The following TRAF2 variants were observed in gnomAD, a reference collection of about 807,000 sequenced individuals.
TRAF2 encodes TNF receptor-associated factor 2.
A neutral mutation model predicts 55.6 loss-of-function variants in TRAF2; 6 were observed. That is an observed-to-expected ratio of 0.11 (90% CI 0.06 to 0.21). The LOEUF is 0.21. Ranked by LOEUF, TRAF2 falls within the 10% of genes least tolerant of loss-of-function variation. The pLI is 1.00. For synonymous variants in TRAF2, 329 were observed against 276.3 expected (o/e 1.19, Z -1.89); for missense variants, 561 against 684.5 (o/e 0.82, Z 2.01).
intron 1 of TRAF2, among the ~76,000 whole-genome samples, chr9:136,896,095 C>T (rs1250741272): frequency 6.6e-6 from 1 of 152,104 alleles, no homozygotes; most frequent in Non-Finnish European, 1.5e-5. Flanking sequence ...GAGTGAGCCC[C>T]CCCACCCCCA....
At chr9:136,914,543 G>A (rs551346865) in intron 6 of TRAF2, among the ~76,000 whole-genome samples, 2 of 152,352 alleles carry the variant, frequency 1.3e-5, no homozygotes, top group Non-Finnish European at 2.9e-5. Flanking sequence ...TGACAGCAGA[G>A]GGATCCTTGC....
chr9:136,916,143 C>T (rs4880162), intron 6 of TRAF2, among the ~76,000 whole-genome samples: 117,185 of 152,086 alleles, frequency 0.77, 45,452 homozygotes, highest in East Asian at 0.87. Context: ...TGCTTCATGT[C>T]GTGTCTGTGT....
Position 136,923,902 on chromosome 9 carries a change from AACGGCG to A in TRAF2, c.1195_1200del (p.Asp399_Gly400del), listed in dbSNP as rs1170010016. Reference sequence around the variant, plus strand: ...CAAGATGTGTCTGCGTATCTACCTGAACGGCGACGGCACCGGGCGAGGAACACACCT... The same window carrying A: ...CAAGATGTGTCTGCGTATCTACCTGAACGGCACCGGGCGAGGAACACACCT... On this transcript the variant is annotated inframe_deletion, in exon 10 of 11. Transcript: ENST00000247668. The A allele has an allele frequency of 6.2e-7, 1 of 1,613,612 alleles. No individual in the cohort carries two copies. The highest frequency in any genetic ancestry group is 1.3e-5 in the African/African-American group (1 of 74,812).
chr9:136,909,615 G>C (rs558067947), intron 5 of TRAF2, among the ~76,000 whole-genome samples: 1 of 152,184 alleles, frequency 6.6e-6, no homozygotes, highest in African/African-American at 2.4e-5. Context: ...GCCTCCCAGC[G>C]GGAGCAGCGT....
chr9:136,905,973 C>G (rs1171184742), intron 4 of TRAF2, among the ~76,000 whole-genome samples: 1 of 152,062 alleles, frequency 6.6e-6, no homozygotes, highest in Non-Finnish European at 1.5e-5. Flanking sequence ...GGTGTGGTGG[C>G]GGGCGCCCGT....
At chr9:136,910,198 G>A (rs1365713089) in intron 6 of TRAF2, 15 of 613,356 alleles carry the variant, frequency 2.4e-5, no homozygotes, top group East Asian at 5.5e-5. Context: ...GCTGAGTCCC[G>A]AGCCCTCTTC....
chr9:136,908,342 C>G (rs1588432980), intron 5 of TRAF2, 111 bp downstream of exon 5: 16 of 1,235,276 alleles, frequency 1.3e-5, no homozygotes, highest in African/African-American at 4.6e-5. Flanking sequence ...CGTTCCACCC[C>G]CTCGGCCCTT....
intron 4 of TRAF2, among the ~76,000 whole-genome samples, chr9:136,902,585 A>G (rs1309599371): frequency 2.0e-5 from 3 of 152,174 alleles, no homozygotes; most frequent in African/African-American, 7.2e-5. Flanking sequence ...CCCTGGCTGC[A>G]CCTTTGAGAG....
At chr9:136,904,294 C>T (rs1210493530) in intron 4 of TRAF2, among the ~76,000 whole-genome samples, 5 of 152,232 alleles carry the variant, frequency 3.3e-5, no homozygotes, top group Non-Finnish European at 1.5e-5. Flanking sequence ...GCCTCAAACT[C>T]CTGGGCTCAA....
intron 2 of TRAF2, among the ~76,000 whole-genome samples, 158 bp downstream of exon 2, chr9:136,899,086 G>GT (rs1290766547): frequency 6.6e-6 from 1 of 152,234 alleles, no homozygotes; most frequent in Non-Finnish European, 1.5e-5. Flanking sequence ...CACAAAGAAT[G>GT]TAAAATTAAT....
intron 4 of TRAF2, among the ~76,000 whole-genome samples, chr9:136,907,006 C>T (rs554312835): frequency 6.6e-5 from 10 of 152,276 alleles, no homozygotes; most frequent in Non-Finnish European, 1.5e-4. Context: ...CCCTCACATT[C>T]GGGCAGAGCC....
chr9:136,884,945 T>A (rs1050970090), upstream of TRAF2, among the ~76,000 whole-genome samples: 2 of 152,226 alleles, frequency 1.3e-5, no homozygotes, highest in African/African-American at 4.8e-5. Context: ...CTTCTTACGT[T>A]TGAGAGCTCA....
intron 7 of TRAF2, among the ~76,000 whole-genome samples, chr9:136,917,214 G>A (rs765490213): frequency 9.2e-5 from 14 of 152,220 alleles, no homozygotes; most frequent in Non-Finnish European, 1.8e-4. Context: ...GTTCACAGAT[G>A]GAAATCGATC....
At chr9:136,906,995 C>T (rs2131304875) in intron 4 of TRAF2, among the ~76,000 whole-genome samples, 1 of 152,372 alleles carries the variant, frequency 6.6e-6, no homozygotes, top group Non-Finnish European at 1.5e-5. Context: ...GCTGTCCTGA[C>T]CCCTCACATT....
chr9:136,883,974 A>G (rs1849403604), upstream of TRAF2, among the ~76,000 whole-genome samples: 1 of 147,382 alleles, frequency 6.8e-6, no homozygotes, highest in Non-Finnish European at 1.5e-5. Flanking sequence ...ACAGGCGCGT[A>G]CCACCATGCC....
At chr9:136,923,073 C>T (rs913950268) in intron 9 of TRAF2, among the ~76,000 whole-genome samples, 2 of 152,140 alleles carry the variant, frequency 1.3e-5, no homozygotes, top group Non-Finnish European at 2.9e-5. Flanking sequence ...CAGCCTCTGC[C>T]GGGTTCTGGC....
chr9:136,905,115 C>T (rs1231036746), intron 4 of TRAF2, among the ~76,000 whole-genome samples: 1 of 152,248 alleles, frequency 6.6e-6, no homozygotes, highest in Non-Finnish European at 1.5e-5. Context: ...GTAGCATTAA[C>T]CTTTCCTGAG....
intron 8 of TRAF2, 29 bp from the exon 9 acceptor site, chr9:136,921,009 A>G (rs1010780904): frequency 9.3e-6 from 15 of 1,611,292 alleles, no homozygotes; most frequent in African/African-American, 2.7e-5. Flanking sequence ...CCCTCCTGTA[A>G]GAGGGAAGGT....
upstream of TRAF2, among the ~76,000 whole-genome samples, chr9:136,885,315 G>A (rs1238135557): frequency 6.6e-6 from 1 of 152,270 alleles, no homozygotes; most frequent in Non-Finnish European, 1.5e-5. Context: ...TTCCTTCTCT[G>A]CAAAGCGGGG....
Sources: gnomAD v4.1 joint callset for allele counts (sites outside exome capture counted in the v4.1 genomes callset) on GRCh38, gnomAD v4.1.1 for gene constraint, MANE v1.5 for transcripts, NCBI Gene and HGNC (gene_info 2026-07-23, HGNC 2026-07-21) for gene names.